COPS3: variants seen among roughly 807,000 people sequenced by gnomAD.
COPS3 encodes the protein COP9 signalosome complex subunit 3.
Under a neutral mutation model 58.2 loss-of-function variants are expected in COPS3, and 10 were observed. The observed-to-expected ratio is 0.17, with a 90% CI of 0.11 to 0.29. COPS3 has a LOEUF of 0.29. Among genes scored for constraint, COPS3 ranks in the 10% least tolerant of loss-of-function variants. COPS3 has a pLI of 1.00. For synonymous variants in COPS3, 187 were observed against 181.7 expected, an observed-to-expected ratio of 1.03 and a Z score of -0.24; for missense variants, 333 against 510.1, an observed-to-expected ratio of 0.65 and a Z score of 3.34.
At chr17:17,280,550 A>C (rs2048555794) in intron 1 of COPS3, 1 of 1,194,080 alleles carries the variant, frequency 8.4e-7, no homozygotes. Context: ...AAAAAAAAAC[A>C]AAGAAGAAGA....
intron 7 of COPS3, 174 bp from the exon 8 acceptor site, chr17:17,260,648 A>G (rs1390048090): frequency 7.5e-6 from 4 of 534,306 alleles, no homozygotes; most frequent in Non-Finnish European, 1.3e-5. Context: ...TACTAAAAAT[A>G]CAAAATTAAC....
chr17:17,270,927 A>C lies in COPS3; in HGVS notation c.267T>G (p.Asn89Lys). Residue 89 changes from asparagine (N) to lysine (K), a missense_variant, in exon 3 of 12, where the codon AAT becomes AAG. Coordinates refer to ENST00000268717, the MANE Select transcript of COPS3 (RefSeq NM_003653.4). ...SQVQLFISTC[N>K]GEHIRYATDT... ...CTGTTGCATATCGAATGTGCTCCCC[A>C]TTACAAGTGCTGATGAAGAGCTGAA... The C allele has an allele frequency of 6.2e-7, 1 of 1,614,008 alleles. No homozygotes were observed. Among genetic ancestry groups the C allele is most frequent in the Non-Finnish European group, 8.5e-7 (1 of 1,179,982 alleles).
intron 4 of COPS3, among the ~76,000 whole-genome samples, chr17:17,270,151 TG>T (rs2048314133): frequency 6.7e-6 from 1 of 148,226 alleles, no homozygotes; most frequent in South Asian, 2.3e-4. Context: ...AGCGAGACTC[TG>T]TCTCCAAAAA....
chr17:17,271,249 G>C (rs1253743535), intron 2 of COPS3, among the ~76,000 whole-genome samples: 1 of 151,998 alleles, frequency 6.6e-6, no homozygotes, highest in Admixed American at 6.6e-5. Context: ...GAGCAACATG[G>C]TGAGACCCTG....
intron 1 of COPS3, among the ~76,000 whole-genome samples, chr17:17,279,739 C>A (rs911463935): frequency 1.3e-5 from 2 of 152,202 alleles, no homozygotes; most frequent in Non-Finnish European, 2.9e-5. Context: ...TTATGACAGG[C>A]ACTGTTCCAA....
chr17:17,281,203 C>T lies in COPS3; in HGVS notation c.-17G>A. ...AGACGCCATGTTTTCCCCCGGGCGGCCCGAGCGGCGAAGGCAGCACGCGCG... is the reference window on the plus strand; with the variant it reads ...AGACGCCATGTTTTCCCCCGGGCGGTCCGAGCGGCGAAGGCAGCACGCGCG... On this transcript the variant is annotated 5_prime_UTR_variant, in exon 1 of 12. Coordinates refer to ENST00000268717, the MANE Select transcript of COPS3 (RefSeq NM_003653.4). The T allele has an allele frequency of 6.2e-7, 1 of 1,607,262 alleles. No individual in the cohort carries two copies. The highest frequency in any genetic ancestry group is 1.7e-5 in the Admixed American group (1 of 59,144).
At chr17:17,265,093 C>G in intron 5 of COPS3, 112 bp from the exon 6 acceptor site, 1 of 927,214 alleles carries the variant, frequency 1.1e-6, no homozygotes, top group Non-Finnish European at 1.6e-6. Flanking sequence ...TTGTGTTTTA[C>G]ATTTTATTGA....
chr17:17,252,086 A>G (rs759918925), intron 9 of COPS3, among the ~76,000 whole-genome samples: 26 of 151,488 alleles, frequency 1.7e-4, no homozygotes, highest in Admixed American at 9.9e-4. Flanking sequence ...AAAAGTCAGG[A>G]TGGGAACAAC....
rs552756242 is a variant in COPS3, at chr17:17,274,769, A to T, written c.185+1266T>A. On this transcript the variant is annotated intron_variant, in intron 2 of 11. Coordinates refer to ENST00000268717, the MANE Select transcript of COPS3 (RefSeq NM_003653.4). ...TTCAATCGTGCTTTTTTTTTTTTTT[A>T]AAGAATTTGAAATTTACTTACAACC... Among the ~76,000 whole-genome samples, 20 of 144,822 alleles carry T rather than the reference A, an allele frequency of 1.4e-4. 1 individual carries two copies. Among genetic ancestry groups the T allele is most frequent in the Admixed American group, 2.0e-4 (3 of 14,722 alleles).
At chr17:17,277,254 C>G (rs772705922) in intron 1 of COPS3, among the ~76,000 whole-genome samples, 1 of 152,132 alleles carries the variant, frequency 6.6e-6, no homozygotes, top group Non-Finnish European at 1.5e-5. Context: ...CTCTCTGCCT[C>G]GCATGGGACT....
intron 2 of COPS3, 21 bp downstream of exon 2, chr17:17,276,014 A>G (rs747773930): frequency 1.9e-6 from 3 of 1,610,720 alleles, no homozygotes; most frequent in South Asian, 2.2e-5. Context: ...GCACAGAACT[A>G]TAAAAGAAGA....
intron 6 of COPS3, among the ~76,000 whole-genome samples, chr17:17,263,748 A>G (rs1428362340): frequency 6.6e-6 from 1 of 151,950 alleles, no homozygotes. Flanking sequence ...TCCCGACCTC[A>G]GGTGATCCGC....
intron 7 of COPS3, chr17:17,260,713 G>C: frequency 3.7e-6 from 1 of 267,232 alleles, no homozygotes; most frequent in South Asian, 5.6e-5. Flanking sequence ...TGAGGCAAGA[G>C]AATCGCTTGA....
intron 2 of COPS3, among the ~76,000 whole-genome samples, chr17:17,272,948 T>A (rs1056459270): frequency 6.6e-6 from 1 of 152,202 alleles, no homozygotes; most frequent in Non-Finnish European, 1.5e-5. Flanking sequence ...TGCTTAGAAT[T>A]CCCTTCAAAC....
intron 1 of COPS3, among the ~76,000 whole-genome samples, chr17:17,278,878 CTTTT>C (rs1278820637): frequency 7.1e-6 from 1 of 140,472 alleles, no homozygotes; most frequent in Non-Finnish European, 1.6e-5. Context: ...TCTTTTTTTT[CTTTT>C]TTTTTTTTTT....
At chr17:17,279,429 T>G (rs993367680) in intron 1 of COPS3, among the ~76,000 whole-genome samples, 7 of 152,192 alleles carry the variant, frequency 4.6e-5, no homozygotes, top group African/African-American at 1.7e-4. Flanking sequence ...GAACACTAAG[T>G]ATTTGTCGAA....
chr17:17,251,196 A>G (rs1567845498), intron 9 of COPS3, among the ~76,000 whole-genome samples: 1 of 151,786 alleles, frequency 6.6e-6, no homozygotes, highest in Admixed American at 6.6e-5. Context: ...GGGTTTCACT[A>G]TGTTAGCCAG....
At chr17:17,255,054 C>G (rs937209686) in intron 8 of COPS3, 109 bp from the exon 9 acceptor site, 1 of 695,468 alleles carries the variant, frequency 1.4e-6, no homozygotes, top group Non-Finnish European at 2.5e-6. Context: ...GTAATCCCAG[C>G]ACTTTGGGAG....
chr17:17,261,491 A>G, intron 7 of COPS3: 1 of 283,326 alleles, frequency 3.5e-6, no homozygotes, highest in South Asian at 3.3e-5. Flanking sequence ...ACGCCACTGC[A>G]CTCCAGCTTT....
Sources: allele counts gnomAD v4.1 joint callset (sites outside exome capture counted in the v4.1 genomes callset), GRCh38; gene constraint gnomAD v4.1.1; transcripts MANE v1.5; gene names NCBI Gene and HGNC (gene_info 2026-07-23, HGNC 2026-07-21).